Variants in SUMF1 observed in about 807,000 individuals in gnomAD.
SUMF1 encodes sulfatase modifying factor 1.
SUMF1 carries 48 observed loss-of-function variants against 47.6 expected under a neutral mutation model. That is an observed-to-expected ratio of 1.01 (90% CI 0.80 to 1.28). The LOEUF (loss-of-function observed/expected upper bound fraction) is 1.28. Among genes scored for constraint, SUMF1 ranks in the 50% most tolerant of loss-of-function variants. The pLI, the probability that SUMF1 is intolerant of heterozygous loss-of-function variation, is 0.00. For missense variants in SUMF1, 571 were observed against 485.4 expected, an observed-to-expected ratio of 1.18 and a Z score of -1.66; for synonymous variants, 230 against 192.1, an observed-to-expected ratio of 1.20 and a Z score of -1.63.
chr3:4,216,019 T>C (rs1695915622), intron 8 of SUMF1, among the ~76,000 whole-genome samples: 1 of 152,168 alleles, frequency 6.6e-6, no homozygotes, highest in African/African-American at 2.4e-5. Context: ...CTGACTTTCT[T>C]CACAGAATTG....
At chr3:4,418,844 A>G (rs540466793) in intron 4 of SUMF1, among the ~76,000 whole-genome samples, 12 of 152,038 alleles carry the variant, frequency 7.9e-5, no homozygotes, top group East Asian at 1.9e-4. Flanking sequence ...AAGTTTGGGG[A>G]AAAAAAACTG....
At chr3:4,156,325 C>G (rs1383123350) in intron 8 of SUMF1, among the ~76,000 whole-genome samples, 2 of 151,606 alleles carry the variant, frequency 1.3e-5, no homozygotes, top group African/African-American at 2.4e-5. Context: ...CACTCCTGTA[C>G]TCTTTCTATC....
At chr3:4,192,150 T>C (rs1695328274) in intron 8 of SUMF1, among the ~76,000 whole-genome samples, 1 of 152,090 alleles carries the variant, frequency 6.6e-6, no homozygotes, top group Non-Finnish European at 1.5e-5. Flanking sequence ...GAAAGTGGCC[T>C]GAGGTTTCTA....
chr3:4,261,911 A>T (rs1177326983), intron 8 of SUMF1, among the ~76,000 whole-genome samples: 2 of 152,212 alleles, frequency 1.3e-5, no homozygotes, highest in Non-Finnish European at 2.9e-5. Context: ...CCTACAAGTT[A>T]TCCTTTCAGG....
chr3:4,266,950 G>T (rs1190545243), intron 8 of SUMF1, among the ~76,000 whole-genome samples: 1 of 151,752 alleles, frequency 6.6e-6, no homozygotes. Flanking sequence ...GTTGAATTTT[G>T]TCAAAGGCCT....
intron 7 of SUMF1, among the ~76,000 whole-genome samples, chr3:4,384,211 G>A (rs564791172): frequency 6.6e-6 from 1 of 152,288 alleles, no homozygotes; most frequent in African/African-American, 2.4e-5. Context: ...CAGATTCACT[G>A]TCTTTGTTAA....
intron 8 of SUMF1, among the ~76,000 whole-genome samples, chr3:4,158,353 G>C (rs1694500273): frequency 6.6e-6 from 1 of 151,324 alleles, no homozygotes; most frequent in Non-Finnish European, 1.5e-5. Flanking sequence ...TTGAATGTTT[G>C]CTTGTTTTGT....
In SUMF1 at chr3:4,144,334, G is replaced by C. The variant is rs117242389; in HGVS notation, c.1015-75589C>G. Among the ~76,000 whole-genome samples, 10 of 152,218 alleles carry C rather than the reference G, an allele frequency of 6.6e-5. No homozygotes were observed. The East Asian group carries it at 1.7e-3, about 26-fold the overall frequency. On this transcript the variant is annotated intron_variant and NMD_transcript_variant, in intron 8 of 12. Transcript: ENST00000448413. ...AAAAGAATAAGTATGTGGCAGATGA[G>C]AAAAGAGGTGATAGAAATGTATGAT...
At chr3:4,150,891 C>G (rs1453028327) in intron 8 of SUMF1, among the ~76,000 whole-genome samples, 2 of 151,320 alleles carry the variant, frequency 1.3e-5, no homozygotes, top group Non-Finnish European at 2.9e-5. Flanking sequence ...TTATCAGGTT[C>G]CATAGGCTTT....
intron 7 of SUMF1, among the ~76,000 whole-genome samples, chr3:4,404,771 TCAAAA>T (rs769572707): frequency 1.3e-5 from 2 of 151,856 alleles, no homozygotes; most frequent in East Asian, 3.9e-4. Flanking sequence ...TCTCAAAAAC[TCAAAA>T]CAAAACAAAA....
chr3:4,191,434 C>T (rs1695312815), intron 8 of SUMF1, among the ~76,000 whole-genome samples: 1 of 152,108 alleles, frequency 6.6e-6, no homozygotes, highest in East Asian at 1.9e-4. Context: ...TAGGTCCTTG[C>T]TGGCCACGAC....
chr3:4,422,451 C>T lies in SUMF1; in HGVS notation c.520-2305G>A, dbSNP rs979196156. 4.6e-5 allele frequency among the ~76,000 whole-genome samples: 7 copies of T among 151,828 alleles called. No homozygotes were observed. In the South Asian group the frequency reaches 1.2e-3, roughly 27 times the overall value. On this transcript the variant is annotated intron_variant, in intron 3 of 8. Coordinates refer to ENST00000272902, the MANE Select transcript of SUMF1 (RefSeq NM_182760.4). ...AACCTCCATGAATGACTTTTCTTCT[C>T]ATACCCTTTTGTGTCTTAAAATATT...
intron 9 of SUMF1, among the ~76,000 whole-genome samples, chr3:4,049,751 C>G (rs569829847): frequency 1.3e-4 from 20 of 152,256 alleles, no homozygotes; most frequent in African/African-American, 4.8e-4. Context: ...AATTCTCTGC[C>G]TTTTCACAAT....
intron 8 of SUMF1, chr3:4,303,367 G>A (rs374649299): frequency 4.5e-6 from 7 of 1,544,734 alleles, no homozygotes; most frequent in Non-Finnish European, 4.3e-6. Context: ...CGTGAGGCGG[G>A]TAAATGTTCG....
intron 9 of SUMF1, among the ~76,000 whole-genome samples, chr3:4,038,212 C>T (rs1303462477): frequency 6.6e-6 from 1 of 152,140 alleles, no homozygotes; most frequent in Admixed American, 6.5e-5. Flanking sequence ...CACTTGTCTC[C>T]TGGGGGCTCC....
At chr3:4,199,744 T>C (rs1184500557) in intron 8 of SUMF1, among the ~76,000 whole-genome samples, 1 of 152,170 alleles carries the variant, frequency 6.6e-6, no homozygotes, top group African/African-American at 2.4e-5. Flanking sequence ...CATTGTTTCA[T>C]GTGCTTATTT....
intron 8 of SUMF1, among the ~76,000 whole-genome samples, chr3:4,366,535 C>G (rs1280620052): frequency 6.7e-6 from 1 of 149,846 alleles, no homozygotes; most frequent in African/African-American, 2.5e-5. Flanking sequence ...GTATTCTTCA[C>G]GTAGTTCTCG....
At chr3:4,438,168 A>T (rs1267981529) in intron 3 of SUMF1, among the ~76,000 whole-genome samples, 1 of 152,054 alleles carries the variant, frequency 6.6e-6, no homozygotes, top group Non-Finnish European at 1.5e-5. Context: ...CATTTTATAA[A>T]TAGCATAAAA....
intron 8 of SUMF1, among the ~76,000 whole-genome samples, chr3:4,273,606 C>A (rs1697347018): frequency 6.6e-6 from 1 of 150,508 alleles, no homozygotes; most frequent in African/African-American, 2.4e-5. Flanking sequence ...TGTGAATGTA[C>A]TAAAAATCTT....
Sources: allele counts gnomAD v4.1 joint callset (sites outside exome capture counted in the v4.1 genomes callset), GRCh38; gene constraint gnomAD v4.1.1; transcripts MANE v1.5; gene names NCBI Gene and HGNC (gene_info 2026-07-23, HGNC 2026-07-21).